The following MPP3 variants were observed in gnomAD, a reference collection of about 807,000 sequenced individuals.
MPP3 encodes the protein MAGUK p55 scaffold protein 3.
A neutral mutation model predicts 80.7 loss-of-function variants in MPP3; 48 were observed. The observed-to-expected ratio is 0.59, with a 90% confidence interval of 0.47 to 0.76. The LOEUF is 0.76. Ranked by LOEUF, MPP3 falls within the 30% of genes least tolerant of loss-of-function variation. The probability of loss-of-function intolerance (pLI) is 0.00; values close to 1 mark genes in which losing one functional copy is unlikely to be tolerated. For synonymous variants in MPP3, 311 were observed against 297.6 expected (o/e 1.04, Z -0.46); for missense variants, 620 against 763.0 (o/e 0.81, Z 2.21).
At chr17:43,809,487 C>T (rs2044754145) in intron 18 of MPP3, among the ~76,000 whole-genome samples, 1 of 152,210 alleles carries the variant, frequency 6.6e-6, no homozygotes, top group Non-Finnish European at 1.5e-5. Context: ...TTATTACAAA[C>T]TTTGTGCTAT....
intron 9 of MPP3, among the ~76,000 whole-genome samples, chr17:43,824,639 A>G (rs542578391): frequency 2.6e-5 from 4 of 152,044 alleles, no homozygotes; most frequent in Non-Finnish European, 5.9e-5. Context: ...CCTCTCCACT[A>G]CCCAGAAAGC....
intron 12 of MPP3, 127 bp downstream of exon 12, chr17:43,817,919 A>G: frequency 1.1e-5 from 3 of 285,202 alleles, no homozygotes; most frequent in African/African-American, 2.5e-5. Context: ...CTTCCTCTGG[A>G]GTCCATGAGC....
At chr17:43,809,370 G>A (rs990887884) in intron 18 of MPP3, among the ~76,000 whole-genome samples, 17 of 152,038 alleles carry the variant, frequency 1.1e-4, no homozygotes, top group Admixed American at 9.2e-4. Flanking sequence ...TGACTCCTCC[G>A]GCTATAATTA....
At chr17:43,815,605 C>T in intron 14 of MPP3, 1 of 314,126 alleles carries the variant, frequency 3.2e-6, no homozygotes, top group South Asian at 2.5e-5. Flanking sequence ...AACCCTGTCT[C>T]TAAAAAATAA....
intron 10 of MPP3, 76 bp from the exon 11 acceptor site, chr17:43,821,134 C>T: frequency 1.4e-6 from 2 of 1,425,678 alleles, no homozygotes; most frequent in Non-Finnish European, 9.7e-7. Context: ...TCAAAGGCCA[C>T]ATGACAACGA....
At position 43,827,957 on chromosome 17, in the gene MPP3, C is replaced by A. The variant is rs1479559467; in HGVS notation, c.442-125G>T. 8 of 817,900 alleles carry A rather than the reference C, an allele frequency of 9.8e-6. No homozygotes were observed. The Admixed American group carries it at 1.6e-4, about 17-fold the overall frequency. 50.7% of individuals were successfully genotyped at this position (817,900 alleles called of 1,614,324 possible). A position where few individuals can be genotyped will look rare whatever the true frequency, so the allele number is the denominator to read the frequency against. The stretch of plus-strand genomic sequence containing the variant: ...ACAGTCCAGAGAGATCAGTGGGGAC[C>A]TTCCCAATGCTGAAGACAAAACAAA... On this transcript the variant is annotated intron_variant, in intron 7 of 19. Transcript: ENST00000398389.
In MPP3 at chr17:43,830,074, T is replaced by C. The variant is rs764312761; in HGVS notation, c.256A>G (p.Ser86Gly). 2.0e-5 allele frequency: 31 copies of C among 1,572,068 alleles called. No homozygotes were observed. Among genetic ancestry groups the C allele is most frequent in the East Asian group, 4.5e-5 (2 of 44,470 alleles). ...AGCTGGAGCAGCTCCCTCTCATCAC[T>C]GTGCACGGAGGCGGCCTGCAACTCC... ...MEELQAASVH[S>G]DERELLQLLS... Residue 86 changes from serine to glycine, a missense_variant, in exon 6 of 20, where the codon AGT (serine) becomes GGT (glycine). Coordinates refer to ENST00000398389, the MANE Select transcript of MPP3 (RefSeq NM_001932.6).
In MPP3 at chr17:43,827,847, G is replaced by A. The variant is rs868109587; in HGVS notation, c.442-15C>T. On this transcript the variant is annotated splice_polypyrimidine_tract_variant and intron_variant, in intron 7 of 19. Transcript: ENST00000398389. ...ATGGTGGCACCCTGAACCCGAGACA[G>A]AAGAGACAGGTTCTTAAGCAGCAGC... 1 of 1,612,454 alleles carries A rather than the reference G, an allele frequency of 6.2e-7. No homozygotes were observed. The highest frequency in any genetic ancestry group is 1.7e-5 in the Admixed American group (1 of 60,030).
chr17:43,816,176 C>A, intron 13 of MPP3, 97 bp from the exon 14 acceptor site: 2 of 1,076,386 alleles, frequency 1.9e-6, no homozygotes, highest in Non-Finnish European at 2.6e-6. Flanking sequence ...GAAGAGCCCC[C>A]TGGGATGGTG....
rs1407287444 is a variant in MPP3, at chr17:43,801,800, C to T, written c.1659G>A (p.Leu553=). Residue 553 remains leucine (L), a synonymous_variant, in exon 20 of 20, where the codon CTG becomes CTA. Transcript: ENST00000398389. ...AGGCACCCTGGAGATCCTCCTTCAC[C>T]AGCACGGCGTCTACCAGGTGCCCGT... The part of the protein sequence containing the change: ...RHYGHLVDAV[L]VKEDLQGAYS... 1 of 1,614,182 alleles carries T rather than the reference C, an allele frequency of 6.2e-7. No individual in the cohort carries two copies. Among genetic ancestry groups the T allele is most frequent in the South Asian group, 1.1e-5 (1 of 91,080 alleles).
At chr17:43,812,101 G>C (rs2044890081) in intron 16 of MPP3, among the ~76,000 whole-genome samples, 2 of 152,218 alleles carry the variant, frequency 1.3e-5, no homozygotes, top group Admixed American at 1.3e-4. Context: ...GTTTCAGCAA[G>C]GCTGGCTCTC....
intron 13 of MPP3, 56 bp from the exon 14 acceptor site, chr17:43,816,135 C>T (rs1176106614): frequency 6.9e-7 from 1 of 1,450,032 alleles, no homozygotes; most frequent in East Asian, 2.7e-5. Flanking sequence ...ACATCCGGCC[C>T]AGGGCACCCA....
rs1460059770 is a variant in MPP3 at position 43,820,987 on chromosome 17, C to T, written c.756G>A (p.Leu252=). Residue 252 remains leucine (L), a synonymous_variant, in exon 11 of 20, where the codon CTG becomes CTA. Coordinates refer to ENST00000398389, the MANE Select transcript of MPP3 (RefSeq NM_001932.6). The part of the protein sequence containing the change: ...DRAIPCQEAG[L]PFQRRQVLEV... ...CCAGGACCTGCCTGCGCTGGAAGGG[C>T]AGGCCCGCCTCCTGGCAAGGGATGG... is the stretch of plus-strand genomic sequence containing the variant. The T allele has an allele frequency of 1.9e-6, 3 of 1,612,794 alleles. No individual in the cohort carries two copies. The highest frequency in any genetic ancestry group is 2.7e-5 in the African/African-American group (2 of 75,064).
chr17:43,832,916 G>GGC (rs1160449917), intron 1 of MPP3, 97 bp from the exon 2 acceptor site: 1 of 152,768 alleles, frequency 6.5e-6, no homozygotes, highest in African/African-American at 2.4e-5. Flanking sequence ...GGGAGCGGGG[G>GGC]GCGCGCGGCG....
In MPP3 at chr17:43,832,185, T is replaced by G. The variant is rs117658649; in HGVS notation, c.-37-242A>C. 3.7e-3 allele frequency: 1,930 copies of G among 519,168 alleles called. 57 individuals carry two copies. In the East Asian group the frequency reaches 0.058, roughly 16 times the overall value. 32.2% of individuals were successfully genotyped at this position (519,168 alleles called of 1,614,324 possible). A position where few individuals can be genotyped will look rare whatever the true frequency, so the allele number is the denominator to read the frequency against. On this transcript the variant is annotated intron_variant, in intron 2 of 19. Transcript: ENST00000398389. ...TAAACTTTTTGTCTGCACAAAGTCCTGAGAAATGACTGCGAATGTTCCCAT... is the reference window on the plus strand; with the variant it reads ...TAAACTTTTTGTCTGCACAAAGTCCGGAGAAATGACTGCGAATGTTCCCAT...
intron 19 of MPP3, among the ~76,000 whole-genome samples, chr17:43,804,869 A>G (rs1196169554): frequency 6.6e-6 from 1 of 152,186 alleles, no homozygotes; most frequent in Non-Finnish European, 1.5e-5. Context: ...TACGAAGGAA[A>G]TTAGCCGAGC....
intron 8 of MPP3, 33 bp downstream of exon 8, chr17:43,827,718 G>C: frequency 6.2e-7 from 1 of 1,603,874 alleles, no homozygotes; most frequent in Non-Finnish European, 8.5e-7. Context: ...GCCATGATCG[G>C]GGCTGGGCCA....
At chr17:43,823,469 A>C (rs757562761) in intron 10 of MPP3, among the ~76,000 whole-genome samples, 10 of 152,218 alleles carry the variant, frequency 6.6e-5, no homozygotes, top group Non-Finnish European at 1.2e-4. Context: ...AGCACTTATC[A>C]CATAGCAATG....
intron 19 of MPP3, among the ~76,000 whole-genome samples, chr17:43,802,424 A>C (rs1456878818): frequency 6.6e-6 from 1 of 152,212 alleles, no homozygotes; most frequent in Non-Finnish European, 1.5e-5. Flanking sequence ...ACTTCCTCAC[A>C]CCAGAGCCAA....
Sources: gnomAD v4.1 joint callset for allele counts (sites outside exome capture counted in the v4.1 genomes callset) on GRCh38, gnomAD v4.1.1 for gene constraint, MANE v1.5 for transcripts, NCBI Gene and HGNC (gene_info 2026-07-23, HGNC 2026-07-21) for gene names.